Variants in CDH13 observed in about 807,000 individuals in gnomAD.
The protein encoded by CDH13 is cadherin 13, also known as cadherin-13.
CDH13 carries 24 observed loss-of-function variants against 63.8 expected under a neutral mutation model. The observed-to-expected ratio is 0.38, with a 90% CI of 0.27 to 0.53. The LOEUF (loss-of-function observed/expected upper bound fraction) is 0.53. CDH13 is among the 20% of genes least tolerant of loss of function. The pLI, the probability that CDH13 is intolerant of heterozygous loss-of-function variation, is 0.85. For synonymous variants in CDH13, 503 were observed against 355.3 expected (o/e 1.42, Z -4.67); for missense variants, 1,049 against 903.1 (o/e 1.16, Z -2.07).
intron 7 of CDH13, among the ~76,000 whole-genome samples, chr16:83,494,217 A>AT (rs535844232): frequency 7.9e-5 from 12 of 152,092 alleles, no homozygotes; most frequent in Non-Finnish European, 1.5e-4. Flanking sequence ...CTTTTTTGTC[A>AT]TTTTAAATTT....
chr16:83,373,934 G>T lies in CDH13; in HGVS notation c.781+28928G>T, dbSNP rs566187759. On this transcript the variant is annotated intron_variant, in intron 6 of 13. Transcript: ENST00000567109. ...GCAACCCGAAAGGGAAGGATCCAGG[G>T]GAATGAGCATGCTGACCTTACTCAA... Among the ~76,000 whole-genome samples, 3 of 152,116 alleles carry T rather than the reference G, an allele frequency of 2.0e-5. No individual in the cohort carries two copies. The South Asian group carries it at 6.2e-4, about 32-fold the overall frequency.
intron 1 of CDH13, among the ~76,000 whole-genome samples, chr16:82,672,990 T>TA (rs899716358): frequency 1.7e-4 from 20 of 119,088 alleles, no homozygotes; most frequent in Admixed American, 6.0e-4. Context: ...CTAATTTTTA[T>TA]AAAGTTTTCT....
intron 3 of CDH13, among the ~76,000 whole-genome samples, chr16:83,102,907 C>CTTTCTTTTTTTTTTTT (rs2034553828): frequency 6.2e-5 from 5 of 80,656 alleles, no homozygotes; most frequent in African/African-American, 2.5e-4. Flanking sequence ...GCTAATTAAA[C>CTTTCTTTTTTTTTTTT]TTTCTTTTTT....
At chr16:83,476,270 T>G (rs1334164108) in intron 6 of CDH13, among the ~76,000 whole-genome samples, 1 of 152,160 alleles carries the variant, frequency 6.6e-6, no homozygotes, top group Non-Finnish European at 1.5e-5. Context: ...CTGCCCCAGT[T>G]GTAACAACCA....
At chr16:83,240,280 G>T (rs775894644) in intron 5 of CDH13, among the ~76,000 whole-genome samples, 3 of 152,072 alleles carry the variant, frequency 2.0e-5, no homozygotes, top group Admixed American at 6.6e-5. Context: ...GGCCTGGGAG[G>T]GGGTGGATCA....
intron 7 of CDH13, 137 bp downstream of exon 7, chr16:83,486,792 G>C (rs2073900588): frequency 1.3e-6 from 1 of 766,916 alleles, no homozygotes; most frequent in African/African-American, 1.7e-5. Flanking sequence ...TGTTTTGGTG[G>C]GGAAAATCTA....
chr16:82,898,308 C>T (rs1182849464), intron 2 of CDH13, among the ~76,000 whole-genome samples: 2 of 152,038 alleles, frequency 1.3e-5, no homozygotes, highest in Non-Finnish European at 2.9e-5. Flanking sequence ...GTGGATCACC[C>T]GAGATCAGGA....
At chr16:83,083,914 A>G (rs961189042) in intron 3 of CDH13, among the ~76,000 whole-genome samples, 2 of 152,246 alleles carry the variant, frequency 1.3e-5, no homozygotes, top group Non-Finnish European at 2.9e-5. Context: ...ATCAAGAAAG[A>G]TAGCTCCAGG....
chr16:83,656,040 T>C (rs1003213195), intron 8 of CDH13, among the ~76,000 whole-genome samples: 4 of 152,174 alleles, frequency 2.6e-5, no homozygotes, highest in Non-Finnish European at 5.9e-5. Flanking sequence ...TGGAACTTTT[T>C]CATCACCCGA....
intron 7 of CDH13, among the ~76,000 whole-genome samples, chr16:83,539,311 A>G (rs192556519): frequency 5.9e-5 from 9 of 152,234 alleles, no homozygotes; most frequent in African/African-American, 1.7e-4. Flanking sequence ...TCACGCTTCT[A>G]TGAGAATCTA....
At chr16:83,567,748 AC>A (rs1904296846) in intron 7 of CDH13, among the ~76,000 whole-genome samples, 1 of 152,062 alleles carries the variant, frequency 6.6e-6, no homozygotes, top group South Asian at 2.1e-4. Context: ...GGCGCCCGCC[AC>A]CACGCCCGGC....
At chr16:82,627,394 GGGA>G (rs1466147333) in intron 1 of CDH13, among the ~76,000 whole-genome samples, 11 of 150,686 alleles carry the variant, frequency 7.3e-5, no homozygotes, top group African/African-American at 2.7e-4. Context: ...GTTCGTTAAC[GGGA>G]GGAGGAGAGA....
At chr16:83,304,705 G>A (rs1027328002) in intron 5 of CDH13, among the ~76,000 whole-genome samples, 11 of 152,298 alleles carry the variant, frequency 7.2e-5, no homozygotes, top group Non-Finnish European at 1.3e-4. Flanking sequence ...GTGTGGATGA[G>A]ATATTTATAA....
chr16:83,197,783 C>G (rs2038917322), intron 4 of CDH13, among the ~76,000 whole-genome samples: 2 of 148,078 alleles, frequency 1.4e-5, no homozygotes, highest in South Asian at 4.3e-4. Context: ...CTCTCACACA[C>G]TCACACACTC....
chr16:83,046,416 C>A (rs1917789123), intron 3 of CDH13, among the ~76,000 whole-genome samples: 1 of 151,552 alleles, frequency 6.6e-6, no homozygotes, highest in Admixed American at 6.6e-5. Context: ...CTCTATCACA[C>A]AAAGAAAGTC....
chr16:83,032,448 A>G lies in CDH13; in HGVS notation c.366+230A>G, dbSNP rs555526101. ...GTGGATTAATTCATGGAACTATTTT[A>G]GGGATACTTCTGCCTTCAGGCGTGG... On this transcript the variant is annotated intron_variant, in intron 3 of 13. Transcript: ENST00000567109. The G allele has an allele frequency of 1.1e-5, 6 of 524,448 alleles. No homozygotes were observed. In the South Asian group the frequency reaches 1.4e-4, roughly 12 times the overall value. The allele number at this position is 524,448 out of a possible 1,614,324, so 32.5% of individuals were successfully genotyped here.
Position 83,083,653 on chromosome 16 carries a change from G to A in CDH13, c.367-41732G>A, listed in dbSNP as rs576737707. Among the ~76,000 whole-genome samples the A allele has an allele frequency of 5.3e-5, 8 of 152,240 alleles. No homozygotes were observed. The East Asian group carries it at 5.8e-4, about 11-fold the overall frequency. On this transcript the variant is annotated intron_variant, in intron 3 of 13. Coordinates refer to ENST00000567109, the MANE Select transcript of CDH13 (RefSeq NM_001257.5). ...TTTGTATTGGAAAAGATGCCAACTCGCAGAGAAACTCGATAGAACTATAGT... is the reference window on the plus strand; with the variant it reads ...TTTGTATTGGAAAAGATGCCAACTCACAGAGAAACTCGATAGAACTATAGT...
At chr16:83,349,244 G>A (rs927112233) in intron 6 of CDH13, among the ~76,000 whole-genome samples, 1 of 152,184 alleles carries the variant, frequency 6.6e-6, no homozygotes. Flanking sequence ...TGCTCCTTGG[G>A]GGCATACAGA....
intron 1 of CDH13, among the ~76,000 whole-genome samples, chr16:82,835,033 C>T (rs2038706218): frequency 6.6e-6 from 1 of 152,120 alleles, no homozygotes; most frequent in African/African-American, 2.4e-5. Flanking sequence ...GATAGCTCTG[C>T]TAAAAGAAGT....
Sources: gnomAD v4.1 joint callset for allele counts (sites outside exome capture counted in the v4.1 genomes callset) on GRCh38, gnomAD v4.1.1 for gene constraint, MANE v1.5 for transcripts, NCBI Gene and HGNC (gene_info 2026-07-23, HGNC 2026-07-21) for gene names.